The following GRAMD2B variants were observed in gnomAD, a reference collection of about 807,000 sequenced individuals.
GRAMD2B encodes the protein GRAM domain containing 2B.
A neutral mutation model predicts 59.2 loss-of-function variants in GRAMD2B; 41 were observed. The observed-to-expected ratio is 0.69, with a 90% confidence interval of 0.54 to 0.90. The LOEUF is 0.90. Ranked by LOEUF, GRAMD2B falls within the 40% of genes least tolerant of loss-of-function variation. GRAMD2B has a pLI of 0.00. For missense variants in GRAMD2B, 424 were observed against 500.5 expected (o/e 0.85, Z 1.46); for synonymous variants, 161 against 182.7 (o/e 0.88, Z 0.96).
chr5:126,450,603 T>C (rs1389486420), intron 1 of GRAMD2B, among the ~76,000 whole-genome samples: 2 of 144,970 alleles, frequency 1.4e-5, no homozygotes, highest in African/African-American at 5.1e-5. Flanking sequence ...TCATTCTCTG[T>C]CCTAGAAGAT....
At chr5:126,395,573 CTTTA>C (rs1247968275) in intron 1 of GRAMD2B, among the ~76,000 whole-genome samples, 1 of 152,150 alleles carries the variant, frequency 6.6e-6, no homozygotes, top group African/African-American at 2.4e-5. Flanking sequence ...CAAACATTCA[CTTTA>C]TTTTTTTATG....
chr5:126,382,315 G>A (rs112963600), intron 1 of GRAMD2B, among the ~76,000 whole-genome samples: 5 of 151,932 alleles, frequency 3.3e-5, no homozygotes, highest in Non-Finnish European at 5.9e-5. Context: ...CTTCTTCCTC[G>A]GGAACACAGA....
chr5:126,482,163 G>A (rs1221732032), intron 8 of GRAMD2B, among the ~76,000 whole-genome samples: 4 of 152,148 alleles, frequency 2.6e-5, no homozygotes, highest in Non-Finnish European at 5.9e-5. Context: ...GGTTGCCAGA[G>A]AATGGGGTGA....
chr5:126,422,904 C>G (rs985601043), upstream of GRAMD2B, among the ~76,000 whole-genome samples: 6 of 147,780 alleles, frequency 4.1e-5, no homozygotes, highest in African/African-American at 1.5e-4. Context: ...TTCTTCTTTG[C>G]CCCTCTAACC....
intron 1 of GRAMD2B, among the ~76,000 whole-genome samples, chr5:126,373,519 T>G (rs1444831972): frequency 2.0e-5 from 3 of 152,224 alleles, no homozygotes; most frequent in African/African-American, 7.2e-5. Context: ...GAGTAATTAT[T>G]ATATGCCAGG....
At position 126,423,484 on chromosome 5, in the gene GRAMD2B, G is replaced by T; in HGVS notation, c.-123G>T. Reference sequence around the variant, plus strand: ...CGGCCCGGCCTGGATGCGCTGGGCGGAGGGTGCAGGGGAGGGCACGGCGCC... The same window carrying T: ...CGGCCCGGCCTGGATGCGCTGGGCGTAGGGTGCAGGGGAGGGCACGGCGCC... On this transcript the variant is annotated 5_prime_UTR_variant, in exon 1 of 14. An upstream open reading frame in the 5' UTR gains an earlier in-frame stop. Transcript: ENST00000285689. The T allele has an allele frequency of 6.8e-7, 1 of 1,461,778 alleles. No homozygotes were observed. Among genetic ancestry groups the T allele is most frequent in the African/African-American group, 1.5e-5 (1 of 66,526 alleles). 90.6% of individuals were successfully genotyped at this position (1,461,778 alleles called of 1,614,324 possible). A position where few individuals can be genotyped will look rare whatever the true frequency, so the allele number is the denominator to read the frequency against.
intron 1 of GRAMD2B, 75 bp from the exon 2 acceptor site, chr5:126,465,351 A>G (rs1768120668): frequency 1.9e-6 from 3 of 1,603,758 alleles, no homozygotes; most frequent in Non-Finnish European, 8.5e-7. Context: ...CTAGAAAACC[A>G]TGTTACTTCA....
At position 126,409,903 on chromosome 5, in the gene GRAMD2B, A is replaced by G. The variant is rs1299430236; in HGVS notation, c.125+38336A>G. Among the ~76,000 whole-genome samples, 11 of 152,170 alleles carry G rather than the reference A, an allele frequency of 7.2e-5. No homozygotes were observed. In the East Asian group the frequency reaches 1.9e-3, roughly 27 times the overall value. On this transcript the variant is annotated intron_variant, in intron 1 of 8. Transcript: ENST00000506445. ...GAGGGATCCAGTTTCAGCTTTCTAC[A>G]TATGGCTAGCCAGTTTTCCCAGCAC... is the stretch of plus-strand genomic sequence containing the variant.
chr5:126,447,915 T>C (rs1203976565), intron 1 of GRAMD2B, among the ~76,000 whole-genome samples: 2 of 151,630 alleles, frequency 1.3e-5, no homozygotes, highest in African/African-American at 4.8e-5. Context: ...TGGAGCACAG[T>C]GTGGCATGAT....
intron 1 of GRAMD2B, among the ~76,000 whole-genome samples, chr5:126,374,501 T>C (rs989598024): frequency 1.2e-4 from 18 of 152,208 alleles, no homozygotes; most frequent in Admixed American, 4.6e-4. Context: ...TATTCCAACA[T>C]ATGACTTGTC....
chr5:126,463,646 G>A (rs577372394), intron 1 of GRAMD2B, among the ~76,000 whole-genome samples: 1 of 152,298 alleles, frequency 6.6e-6, no homozygotes, highest in East Asian at 1.9e-4. Flanking sequence ...GAGAAAAATT[G>A]AAGAAATAGA....
chr5:126,430,501 A>C (rs1761384963), intron 1 of GRAMD2B, among the ~76,000 whole-genome samples: 1 of 152,120 alleles, frequency 6.6e-6, no homozygotes, highest in Admixed American at 6.5e-5. Context: ...CCTCAGGTAC[A>C]TTTATTCTTA....
chr5:126,423,130 C>T (rs1734047594), upstream of GRAMD2B: 2 of 992,374 alleles, frequency 2.0e-6, no homozygotes, highest in South Asian at 9.0e-5. Context: ...CCCACTCAGA[C>T]GTCTCCATTT....
upstream of GRAMD2B, chr5:126,371,305 A>T (rs544699969): frequency 8.8e-7 from 1 of 1,133,756 alleles, no homozygotes; most frequent in South Asian, 1.9e-5. Context: ...CCTCAGCTAG[A>T]TTGAGTCACA....
intron 1 of GRAMD2B, among the ~76,000 whole-genome samples, chr5:126,390,795 C>CT (rs910995592): frequency 2.6e-5 from 4 of 152,162 alleles, no homozygotes; most frequent in African/African-American, 9.7e-5. Flanking sequence ...CTCCTAAACT[C>CT]TTTTCACAAA....
At chr5:126,435,058 C>T (rs1052444070) in intron 1 of GRAMD2B, among the ~76,000 whole-genome samples, 3 of 152,138 alleles carry the variant, frequency 2.0e-5, no homozygotes, top group African/African-American at 4.8e-5. Flanking sequence ...GCTATATCTT[C>T]GCTCTTCTCT....
At chr5:126,376,962 G>A (rs1755243805) in intron 1 of GRAMD2B, among the ~76,000 whole-genome samples, 1 of 151,784 alleles carries the variant, frequency 6.6e-6, no homozygotes, top group African/African-American at 2.4e-5. Flanking sequence ...TGAGGAGGTT[G>A]TCAGAGGACT....
chr5:126,376,844 G>C (rs1266706818), intron 1 of GRAMD2B, among the ~76,000 whole-genome samples: 2 of 152,098 alleles, frequency 1.3e-5, no homozygotes, highest in African/African-American at 4.8e-5. Context: ...GAGGACCTAT[G>C]AACTCTGCAG....
At chr5:126,368,959 T>A (rs778088080), upstream of GRAMD2B, among the ~76,000 whole-genome samples, 203 of 152,190 alleles carry the variant, frequency 1.3e-3, 1 homozygote, top group Non-Finnish European at 2.0e-3. Context: ...TCTTTCATCA[T>A]TTTATTTCCA....
Sources: gnomAD v4.1 joint callset for allele counts (sites outside exome capture counted in the v4.1 genomes callset) on GRCh38, gnomAD v4.1.1 for gene constraint, MANE v1.5 for transcripts, NCBI Gene and HGNC (gene_info 2026-07-23, HGNC 2026-07-21) for gene names.